NSD3: variants seen among roughly 807,000 people sequenced by gnomAD.
The protein encoded by NSD3 is nuclear receptor binding SET domain protein 3, also known as histone-lysine N-methyltransferase NSD3.
A neutral mutation model predicts 160.8 loss-of-function variants in NSD3; 24 were observed. The ratio of observed to expected loss-of-function variants is 0.15; its 90% CI spans 0.11 to 0.21. NSD3 has a LOEUF of 0.21. Ranked by LOEUF, NSD3 falls within the 10% of genes least tolerant of loss-of-function variation. NSD3 has a pLI of 1.00. For missense variants in NSD3, 1,157 were observed against 1,735.9 expected (o/e 0.67, Z 5.93); for synonymous variants, 520 against 600.0 (o/e 0.87, Z 1.95).
chr8:38,274,686 C>T lies in NSD3; in HGVS notation c.*955G>A, dbSNP rs1808557263. 1 of 152,730 alleles carries T rather than the reference C, an allele frequency of 6.5e-6. No individual in the cohort carries two copies. The highest frequency in any genetic ancestry group is 2.4e-5 in the African/African-American group (1 of 41,460). 9.5% of individuals were successfully genotyped at this position (152,730 alleles called of 1,614,324 possible). A position where few individuals can be genotyped will look rare whatever the true frequency, so the allele number is the denominator to read the frequency against. ...GACAAAAAATAAAATGCCTGTAATT[C>T]TCTCCAATTAAGACCAGGGTCTACA... On this transcript the variant is annotated 3_prime_UTR_variant, in exon 24 of 24. Transcript: ENST00000317025.
intron 2 of NSD3, among the ~76,000 whole-genome samples, chr8:38,345,397 C>T (rs963137106): frequency 6.6e-6 from 1 of 151,166 alleles, no homozygotes; most frequent in South Asian, 2.1e-4. Context: ...AGAGAGAGAA[C>T]GAACAAGAAA....
chr8:38,324,985 G>A (rs1160189023), intron 7 of NSD3, among the ~76,000 whole-genome samples: 1 of 152,206 alleles, frequency 6.6e-6, no homozygotes, highest in Non-Finnish European at 1.5e-5. Context: ...CCATCTGGCT[G>A]TTCATCTGTA....
intron 12 of NSD3, among the ~76,000 whole-genome samples, chr8:38,311,076 C>CTTTTT (rs34628829): frequency 1.5e-5 from 2 of 132,790 alleles, no homozygotes; most frequent in Admixed American, 7.7e-5. Flanking sequence ...TCCCTGATTA[C>CTTTTT]TTTTTTTTTT....
chr8:38,339,765 T>C (rs983998619), intron 2 of NSD3, among the ~76,000 whole-genome samples: 10 of 151,750 alleles, frequency 6.6e-5, no homozygotes, highest in African/African-American at 2.4e-4. Flanking sequence ...CTAAAACCCT[T>C]TAGGGAGGCA....
intron 7 of NSD3, among the ~76,000 whole-genome samples, chr8:38,324,475 T>A (rs1809860496): frequency 6.6e-6 from 1 of 152,210 alleles, no homozygotes; most frequent in South Asian, 2.1e-4. Flanking sequence ...TATTTACACT[T>A]TATGCCACTC....
intron 4 of NSD3, among the ~76,000 whole-genome samples, chr8:38,334,967 G>A (rs1810177091): frequency 6.6e-6 from 1 of 151,474 alleles, no homozygotes; most frequent in Non-Finnish European, 1.5e-5. Context: ...ACTGCCTGGG[G>A]GTACCAGGCT....
intron 20 of NSD3, among the ~76,000 whole-genome samples, chr8:38,280,481 A>T (rs1563340681): frequency 6.6e-6 from 1 of 152,208 alleles, no homozygotes; most frequent in Non-Finnish European, 1.5e-5. Flanking sequence ...TCCATTTCTT[A>T]CTTTAATGAT....
Position 38,327,364 on chromosome 8 carries a change from T to A in NSD3, c.1582-508A>T, listed in dbSNP as rs200176900. Among the ~76,000 whole-genome samples the A allele has an allele frequency of 5.2e-4, 79 of 151,600 alleles. No individual in the cohort carries two copies. The East Asian group carries it at 6.8e-3, about 13-fold the overall frequency. On this transcript the variant is annotated intron_variant, in intron 6 of 23. Transcript: ENST00000317025. ...AGCCACCGCACCCGGCCAAAAAAAA[T>A]TTTTTTTTAAGATGGAATCTGGCTC...
chr8:38,376,980 T>A (rs1048987467), intron 1 of NSD3, among the ~76,000 whole-genome samples: 1 of 152,208 alleles, frequency 6.6e-6, no homozygotes, highest in East Asian at 1.9e-4. Flanking sequence ...TTTTAAACAA[T>A]GAAATACTTA....
At chr8:38,284,677 G>A (rs1234631100) in intron 19 of NSD3, among the ~76,000 whole-genome samples, 1 of 152,212 alleles carries the variant, frequency 6.6e-6, no homozygotes, top group Non-Finnish European at 1.5e-5. Context: ...GTGAGCCACT[G>A]TGCCCGGCCT....
chr8:38,279,096 G>C (rs187465682), intron 21 of NSD3, among the ~76,000 whole-genome samples: 1 of 152,326 alleles, frequency 6.6e-6, no homozygotes. Context: ...TGTCTAATTT[G>C]AAACAGAATG....
At chr8:38,355,202 C>T (rs939112393) in intron 1 of NSD3, among the ~76,000 whole-genome samples, 2 of 152,048 alleles carry the variant, frequency 1.3e-5, no homozygotes, top group Non-Finnish European at 1.5e-5. Context: ...CTTCAGGCAA[C>T]TTATTCAGCA....
chr8:38,337,903 A>T (rs1334937029), intron 3 of NSD3, among the ~76,000 whole-genome samples: 2 of 152,260 alleles, frequency 1.3e-5, no homozygotes, highest in Non-Finnish European at 2.9e-5. Context: ...TCCTATCTAA[A>T]ACTAGCAAAA....
chr8:38,303,651 A>G (rs1402240971), intron 14 of NSD3, among the ~76,000 whole-genome samples: 1 of 152,216 alleles, frequency 6.6e-6, no homozygotes, highest in Non-Finnish European at 1.5e-5. Context: ...TACTTTCACC[A>G]AATTAAAATA....
chr8:38,373,065 A>G (rs2150396217), intron 1 of NSD3, among the ~76,000 whole-genome samples: 1 of 151,370 alleles, frequency 6.6e-6, no homozygotes, highest in African/African-American at 2.4e-5. Context: ...AAAAAAAAAG[A>G]AAGAAAGAAA....
chr8:38,305,204 G>A, intron 13 of NSD3, 44 bp downstream of exon 13: 1 of 1,592,892 alleles, frequency 6.3e-7, no homozygotes, highest in East Asian at 2.2e-5. Context: ...ATTTGCCACT[G>A]CCCTTAAAAC....
At chr8:38,301,085 T>C (rs905917859) in intron 14 of NSD3, among the ~76,000 whole-genome samples, 1 of 152,120 alleles carries the variant, frequency 6.6e-6, no homozygotes, top group African/African-American at 2.4e-5. Context: ...TCCTACCACC[T>C]CAACCTCCCG....
Position 38,373,571 on chromosome 8 carries a change from T to C in NSD3, c.-45+8228A>G, listed in dbSNP as rs573417788. 4.6e-5 allele frequency among the ~76,000 whole-genome samples: 7 copies of C among 152,298 alleles called. No individual in the cohort carries two copies. In the South Asian group the frequency reaches 1.2e-3, roughly 27 times the overall value. On this transcript the variant is annotated intron_variant, in intron 1 of 23. Transcript: ENST00000317025. ...CTAAGAGAAATTAGATAACATAAGA[T>C]TCAATAGACACAATATTGTCTTGGC...
chr8:38,370,491 T>TA lies in NSD3; in HGVS notation c.-45+11307dup, dbSNP rs1171974846. 3.3e-5 allele frequency among the ~76,000 whole-genome samples: 5 copies of TA among 152,146 alleles called. No individual in the cohort carries two copies. The East Asian group carries it at 9.6e-4, about 29-fold the overall frequency. The stretch of plus-strand genomic sequence containing the variant: ...ATATTTTGTTTAATCAGCTTAAGCT[T>TA]AATATGTCAGGTTTTCTTAAAATGG... On this transcript the variant is annotated intron_variant, in intron 1 of 23. Coordinates refer to ENST00000317025, the MANE Select transcript of NSD3 (RefSeq NM_023034.2).
Sources: allele counts gnomAD v4.1 joint callset (sites outside exome capture counted in the v4.1 genomes callset), GRCh38; gene constraint gnomAD v4.1.1; transcripts MANE v1.5; gene names NCBI Gene and HGNC (gene_info 2026-07-23, HGNC 2026-07-21).